Variants in TECPR2 observed in about 807,000 individuals in gnomAD.
TECPR2 encodes tectonin beta-propeller repeat containing 2, also known as tectonin beta-propeller repeat-containing protein 2.
TECPR2 carries 65 observed loss-of-function variants against 138.1 expected under a neutral mutation model. The observed-to-expected ratio is 0.47, with a 90% CI of 0.39 to 0.58. TECPR2 has a LOEUF of 0.58. TECPR2 is among the 20% of genes least tolerant of loss of function. The pLI, the probability that TECPR2 is intolerant of heterozygous loss-of-function variation, is 0.00. For synonymous variants in TECPR2, 746 were observed against 749.8 expected, an observed-to-expected ratio of 0.99 and a Z score of 0.08; for missense variants, 1,553 against 1,824.5, an observed-to-expected ratio of 0.85 and a Z score of 2.71.
rs117501330 is a variant in TECPR2, at chr14:102,448,144, A to G, written c.3076-1485A>G. On this transcript the variant is annotated intron_variant, in intron 13 of 19. Transcript: ENST00000359520. ...AAAATATACATATATGTATTTTTGT[A>G]GAGACAGGGTTTCACCATGTTGGCA... Among the ~76,000 whole-genome samples the G allele has an allele frequency of 1.4e-3, 217 of 152,138 alleles. 2 individuals are homozygous for G. The highest frequency in any genetic ancestry group is 2.3e-3 in the Non-Finnish European group (158 of 68,022).
rs745728811 is a variant in TECPR2 at position 102,425,308 on chromosome 14, C to G, written c.951+17C>G. On this transcript the variant is annotated intron_variant, in intron 6 of 19. Coordinates refer to ENST00000359520, the MANE Select transcript of TECPR2 (RefSeq NM_014844.5). ...GTCAACCAGGTAAGTGAAGGGACGC[C>G]ACCATATCTTCTGTGTCTATAGGCA... 37 of 1,561,334 alleles carry G rather than the reference C, an allele frequency of 2.4e-5. No homozygotes were observed. Among genetic ancestry groups the G allele is most frequent in the Non-Finnish European group, 3.2e-5 (37 of 1,152,590 alleles).
chr14:102,471,802 A>C (rs937124375), intron 17 of TECPR2, among the ~76,000 whole-genome samples: 5 of 151,574 alleles, frequency 3.3e-5, no homozygotes, highest in Admixed American at 3.3e-4. Flanking sequence ...TTTTCAAAAC[A>C]CCTCCTTTTG....
rs1889886894 is a variant in TECPR2 at position 102,443,413 on chromosome 14, G to A, written c.2753-234G>A. On this transcript the variant is annotated intron_variant, in intron 11 of 19. Coordinates refer to ENST00000359520, the MANE Select transcript of TECPR2 (RefSeq NM_014844.5). The surrounding 1 kb of genome is among the most constrained non-coding windows in gnomAD (Gnocchi z 4.9). ...TGCCTGTAATCCCAGCACTTTGGGAGGCTGAGGTGGGAGGATCTCTTGAGC... is the reference window on the plus strand; with the variant it reads ...TGCCTGTAATCCCAGCACTTTGGGAAGCTGAGGTGGGAGGATCTCTTGAGC... 6.6e-6 allele frequency among the ~76,000 whole-genome samples: 1 copy of A among 152,212 alleles called. No individual in the cohort carries two copies. Among genetic ancestry groups the A allele is most frequent in the Admixed American group, 6.5e-5 (1 of 15,274 alleles).
At chr14:102,402,912 A>G (rs1324345979) in intron 2 of TECPR2, among the ~76,000 whole-genome samples, 1 of 152,192 alleles carries the variant, frequency 6.6e-6, no homozygotes, top group Non-Finnish European at 1.5e-5. Context: ...TCTCCTTGTA[A>G]AGAAAAGCCC....
intron 10 of TECPR2, among the ~76,000 whole-genome samples, chr14:102,438,764 A>G (rs1309864865): frequency 6.6e-6 from 1 of 152,086 alleles, no homozygotes; most frequent in East Asian, 1.9e-4. Flanking sequence ...GGCCATTGTT[A>G]GTGAACTGGA....
At chr14:102,463,444 A>G (rs1465062247) in intron 16 of TECPR2, among the ~76,000 whole-genome samples, 1 of 151,106 alleles carries the variant, frequency 6.6e-6, no homozygotes, top group Non-Finnish European at 1.5e-5. Flanking sequence ...AAAAAAGAAA[A>G]AAACAAAAAA....
At chr14:102,496,929 C>G in intron 17 of TECPR2, 50 bp from the exon 18 acceptor site, 2 of 1,601,020 alleles carry the variant, frequency 1.2e-6, no homozygotes, top group Non-Finnish European at 8.5e-7. Flanking sequence ...CCTGTCCTTT[C>G]TCTTGTCACC....
In TECPR2 at chr14:102,435,100, G is replaced by A. The variant is rs767528993; in HGVS notation, c.2283G>A (p.Gly761=). Residue 761 remains glycine (G), a synonymous_variant, in exon 9 of 20, where the codon GGG becomes GGA. Coordinates refer to ENST00000359520, the MANE Select transcript of TECPR2 (RefSeq NM_014844.5). ...SSDEEDIYAH[G]LPSSSSETSV... is the part of the protein sequence containing the mutation. ...ATGAGGAGGACATCTATGCCCACGGGCTTCCTTCTTCATCCTCAGAGACGA... is the reference window on the plus strand; with the variant it reads ...ATGAGGAGGACATCTATGCCCACGGACTTCCTTCTTCATCCTCAGAGACGA... The A allele has an allele frequency of 2.5e-6, 4 of 1,613,692 alleles. No individual in the cohort carries two copies. The highest frequency in any genetic ancestry group is 2.2e-5 in the East Asian group (1 of 44,888).
chr14:102,480,851 T>G (rs909014090), intron 17 of TECPR2, among the ~76,000 whole-genome samples: 10 of 126,354 alleles, frequency 7.9e-5, no homozygotes, highest in African/African-American at 1.7e-4. Context: ...GTTTTTTTTT[T>G]TTTTTTTTTT....
chr14:102,462,424 G>T (rs1451956896), intron 16 of TECPR2, among the ~76,000 whole-genome samples: 1 of 152,206 alleles, frequency 6.6e-6, no homozygotes, highest in Non-Finnish European at 1.5e-5. Context: ...TTGGAATAGA[G>T]AAATTGTCAT....
chr14:102,476,308 A>T (rs2076178368), intron 17 of TECPR2, among the ~76,000 whole-genome samples: 1 of 150,848 alleles, frequency 6.6e-6, no homozygotes, highest in Non-Finnish European at 1.5e-5. Context: ...GAGCTGGGAG[A>T]ATTGCTTAAG....
At chr14:102,455,476 T>G (rs544437450) in intron 16 of TECPR2, among the ~76,000 whole-genome samples, 80 of 152,282 alleles carry the variant, frequency 5.3e-4, no homozygotes, top group African/African-American at 1.8e-3. Context: ...AGGTGGGGTC[T>G]CACTCTGTCA....
chr14:102,385,278 A>G (rs190573429), intron 2 of TECPR2, among the ~76,000 whole-genome samples: 2 of 152,220 alleles, frequency 1.3e-5, no homozygotes, highest in Admixed American at 1.3e-4. Context: ...GTGAGCACTC[A>G]TTCACCCATG....
chr14:102,372,194 A>G (rs1887523247), intron 1 of TECPR2, among the ~76,000 whole-genome samples: 1 of 151,474 alleles, frequency 6.6e-6, no homozygotes, highest in Non-Finnish European at 1.5e-5. Context: ...CAAGTGATCT[A>G]CCCACCTTGG....
intron 15 of TECPR2, 102 bp downstream of exon 15, chr14:102,450,751 C>A: frequency 8.5e-7 from 1 of 1,177,426 alleles, no homozygotes; most frequent in Non-Finnish European, 1.2e-6. Context: ...ATGGGGCATG[C>A]CTCGGAGACT....
chr14:102,425,006 A>G lies in TECPR2; in HGVS notation c.666A>G (p.Ile222Met). 1 of 1,613,612 alleles carries G rather than the reference A, an allele frequency of 6.2e-7. No homozygotes were observed. Among genetic ancestry groups the G allele is most frequent in the Non-Finnish European group, 8.5e-7 (1 of 1,179,822 alleles). Reference sequence around the variant, plus strand: ...CTGGGAAATTTGGTGCTTGTTTTATACCAGGACTCTGTAAGCAAAGTGATC... The same window carrying G: ...CTGGGAAATTTGGTGCTTGTTTTATGCCAGGACTCTGTAAGCAAAGTGATC... ...KSTGKFGACF[I>M]PGLCKQSDLT... is the part of the protein sequence containing the mutation. The change falls in exon 6 of 20, where the codon ATA (isoleucine) becomes ATG (methionine). Residue 222 changes from isoleucine (I) to methionine (M), a missense_variant. Ile to Met is a conservative substitution (Grantham distance 10). Coordinates refer to ENST00000359520, the MANE Select transcript of TECPR2 (RefSeq NM_014844.5).
intron 2 of TECPR2, among the ~76,000 whole-genome samples, chr14:102,398,282 A>G (rs1936255894): frequency 6.6e-6 from 1 of 152,150 alleles, no homozygotes; most frequent in African/African-American, 2.4e-5. Flanking sequence ...GTGAATTTGA[A>G]GATAAGATAT....
At chr14:102,433,675 C>G (rs374955370) in intron 8 of TECPR2, among the ~76,000 whole-genome samples, 2 of 151,982 alleles carry the variant, frequency 1.3e-5, no homozygotes, top group East Asian at 3.9e-4. Flanking sequence ...TGCCCACTAC[C>G]ACGCCCAGCT....
At chr14:102,497,825 T>C (rs1471368477) in intron 19 of TECPR2, 106 bp downstream of exon 19, 3 of 1,383,352 alleles carry the variant, frequency 2.2e-6, no homozygotes, top group Admixed American at 2.7e-5. Flanking sequence ...GGCTCCAATC[T>C]CTCAAAGCAA....
Sources: allele counts gnomAD v4.1 joint callset (sites outside exome capture counted in the v4.1 genomes callset), GRCh38; gene constraint gnomAD v4.1.1; non-coding constraint Gnocchi (gnomAD v3.1); transcripts MANE v1.5; gene names NCBI Gene and HGNC (gene_info 2026-07-23, HGNC 2026-07-21).